TMPRSS11D: variants seen among roughly 807,000 people sequenced by gnomAD.
The protein encoded by TMPRSS11D is transmembrane serine protease 11D.
A neutral mutation model predicts 44.4 loss-of-function variants in TMPRSS11D; 32 were observed. The ratio of observed to expected loss-of-function variants is 0.72; its 90% CI spans 0.54 to 0.97. The LOEUF is 0.97. TMPRSS11D is among the 50% of genes least tolerant of loss of function. TMPRSS11D has a pLI of 0.00. For synonymous variants in TMPRSS11D, 179 were observed against 177.9 expected (o/e 1.01, Z -0.05); for missense variants, 446 against 502.6 (o/e 0.89, Z 1.08).
intron 1 of TMPRSS11D, among the ~76,000 whole-genome samples, chr4:67,868,602 A>G (rs933673383): frequency 4.6e-5 from 7 of 152,210 alleles, no homozygotes; most frequent in Non-Finnish European, 7.3e-5. Flanking sequence ...GGCGAAAAGT[A>G]GTTGGCCCAG....
chr4:67,842,424 G>A (rs1718253859), intron 4 of TMPRSS11D, 134 bp downstream of exon 4: 1 of 823,778 alleles, frequency 1.2e-6, no homozygotes, highest in Non-Finnish European at 1.9e-6. Context: ...TGGTTTTTAA[G>A]CTGACTAAAA....
At chr4:67,852,188 G>A (rs1718525588) in intron 3 of TMPRSS11D, among the ~76,000 whole-genome samples, 1 of 152,128 alleles carries the variant, frequency 6.6e-6, no homozygotes, top group Admixed American at 6.5e-5. Context: ...TGCTTCCCTG[G>A]GAAACTAACC....
chr4:67,848,541 G>A (rs924160956), intron 3 of TMPRSS11D, among the ~76,000 whole-genome samples: 3 of 152,168 alleles, frequency 2.0e-5, no homozygotes, highest in African/African-American at 7.2e-5. Context: ...TCATAATTAA[G>A]TAAAATTATA....
chr4:67,866,077 A>T (rs1260062994), intron 1 of TMPRSS11D, among the ~76,000 whole-genome samples: 1 of 152,024 alleles, frequency 6.6e-6, no homozygotes, highest in Non-Finnish European at 1.5e-5. Flanking sequence ...ATCCTTGATG[A>T]ACACTACATA....
rs1160727651 is a variant in TMPRSS11D at position 67,853,926 on chromosome 4, G to A, written c.249+142C>T. 3 of 508,232 alleles carry A rather than the reference G, an allele frequency of 5.9e-6. No homozygotes were observed. In the Admixed American group the frequency reaches 1.1e-4, roughly 18 times the overall value. The allele number at this position is 508,232 out of a possible 1,614,324, so 31.5% of individuals were successfully genotyped here. A position where few individuals can be genotyped will look rare whatever the true frequency, so the allele number is the denominator to read the frequency against. On this transcript the variant is annotated intron_variant, in intron 3 of 9. Transcript: ENST00000283916. ...ATATGAGTAAACTAACTGGATAAAAGCAGAGAGAAACACATGTTTCACCAT... is the reference window on the plus strand; with the variant it reads ...ATATGAGTAAACTAACTGGATAAAAACAGAGAGAAACACATGTTTCACCAT...
rs1339000679 is a variant in TMPRSS11D at position 67,834,735 on chromosome 4, G to A, written c.514+348C>T. On this transcript the variant is annotated intron_variant, in intron 6 of 9. Transcript: ENST00000283916. ...GGTGGTTAGGAGAAGCTACATAAACGGTGTCATCAAACATAATTTGTAAGT... is the reference window on the plus strand; with the variant it reads ...GGTGGTTAGGAGAAGCTACATAAACAGTGTCATCAAACATAATTTGTAAGT... Among the ~76,000 whole-genome samples the A allele has an allele frequency of 3.9e-5, 6 of 152,046 alleles. No individual in the cohort carries two copies. The East Asian group carries it at 5.8e-4, about 15-fold the overall frequency.
Position 67,856,270 on chromosome 4 carries a change from T to C in TMPRSS11D, c.131-2084A>G, listed in dbSNP as rs530377490. On this transcript the variant is annotated intron_variant, in intron 2 of 9. Transcript: ENST00000283916. ...CTATAGTAGCCAAAACAGAATGGTATTGGTATAAAAACAGACACATAGACC... is the reference window on the plus strand; with the variant it reads ...CTATAGTAGCCAAAACAGAATGGTACTGGTATAAAAACAGACACATAGACC... Among the ~76,000 whole-genome samples the C allele has an allele frequency of 3.4e-4, 51 of 152,228 alleles. No homozygotes were observed. The Middle Eastern group carries it at 0.014, about 41-fold the overall frequency.
rs372805493 is a variant in TMPRSS11D at position 67,856,096 on chromosome 4, T to C, written c.131-1910A>G. Among the ~76,000 whole-genome samples, 250 of 152,250 alleles carry C rather than the reference T, an allele frequency of 1.6e-3. 7 individuals carry two copies. The South Asian group carries it at 0.051, about 31-fold the overall frequency. ...ATCTATAGATTCAATGCAATCCCTA[T>C]CAAAATACCAACATCACTTTTCACA... On this transcript the variant is annotated intron_variant, in intron 2 of 9. Coordinates refer to ENST00000283916, the MANE Select transcript of TMPRSS11D (RefSeq NM_004262.3).
At chr4:67,854,796 T>A (rs185319985) in intron 2 of TMPRSS11D, among the ~76,000 whole-genome samples, 1 of 152,210 alleles carries the variant, frequency 6.6e-6, no homozygotes, top group Non-Finnish European at 1.5e-5. Context: ...AATAAATAAA[T>A]GTCCAGGACC....
intron 1 of TMPRSS11D, among the ~76,000 whole-genome samples, chr4:67,863,679 T>C (rs1718849613): frequency 6.6e-6 from 1 of 152,114 alleles, no homozygotes; most frequent in Non-Finnish European, 1.5e-5. Flanking sequence ...TTCTGTCAAA[T>C]ATCAGCTATG....
chr4:67,862,322 T>C (rs1441240871), intron 1 of TMPRSS11D, among the ~76,000 whole-genome samples: 5 of 152,126 alleles, frequency 3.3e-5, no homozygotes, highest in Non-Finnish European at 7.4e-5. Context: ...TTATGTTTAT[T>C]CAGGAGTGAC....
At chr4:67,849,665 A>G (rs899284006) in intron 3 of TMPRSS11D, among the ~76,000 whole-genome samples, 1 of 152,240 alleles carries the variant, frequency 6.6e-6, no homozygotes, top group East Asian at 1.9e-4. Flanking sequence ...ATTTTATTTT[A>G]CTCGTGAATA....
chr4:67,858,306 G>A (rs778178008), intron 2 of TMPRSS11D, among the ~76,000 whole-genome samples: 15 of 152,172 alleles, frequency 9.9e-5, no homozygotes, highest in Non-Finnish European at 1.9e-4. Flanking sequence ...AACACAGTTT[G>A]CAGATGACTT....
At chr4:67,857,292 T>A (rs1183980785) in intron 2 of TMPRSS11D, among the ~76,000 whole-genome samples, 356 of 1,956 alleles carry the variant, frequency 0.18, 14 homozygotes, top group African/African-American at 0.24. Context: ...TATATATATA[T>A]ATATATATAT....
intron 2 of TMPRSS11D, among the ~76,000 whole-genome samples, chr4:67,857,708 A>G (rs1338543065): frequency 1.3e-5 from 2 of 152,176 alleles, no homozygotes; most frequent in Non-Finnish European, 2.9e-5. Context: ...GAGACTGGGA[A>G]GGATGGAGGG....
intron 4 of TMPRSS11D, chr4:67,839,030 C>A (rs1409392134): frequency 4.6e-5 from 7 of 152,032 alleles, no homozygotes; most frequent in Non-Finnish European, 1.0e-4. Flanking sequence ...TAAACCAGTT[C>A]CTCCACCTGA....
chr4:67,872,475 T>C (rs1409761084), intron 1 of TMPRSS11D, among the ~76,000 whole-genome samples: 1 of 152,216 alleles, frequency 6.6e-6, no homozygotes, highest in Non-Finnish European at 1.5e-5. Flanking sequence ...GAATATCACG[T>C]ATATTTGATT....
intron 4 of TMPRSS11D, among the ~76,000 whole-genome samples, chr4:67,838,847 G>A (rs1032611124): frequency 6.6e-6 from 1 of 151,970 alleles, no homozygotes; most frequent in Non-Finnish European, 1.5e-5. Context: ...TTGATACCTA[G>A]ACCATTCATC....
intron 6 of TMPRSS11D, among the ~76,000 whole-genome samples, chr4:67,833,922 C>T (rs977029430): frequency 2.6e-5 from 4 of 152,172 alleles, no homozygotes; most frequent in Admixed American, 6.5e-5. Flanking sequence ...GACTGCAGTT[C>T]ACCTTGTAGA....
Sources: gnomAD v4.1 joint callset for allele counts (sites outside exome capture counted in the v4.1 genomes callset) on GRCh38, gnomAD v4.1.1 for gene constraint, MANE v1.5 for transcripts, NCBI Gene and HGNC (gene_info 2026-07-23, HGNC 2026-07-21) for gene names.